RAD51B: variants seen among roughly 807,000 people sequenced by gnomAD.
RAD51B encodes DNA repair protein RAD51 homolog 2.
RAD51B carries 38 observed loss-of-function variants against 42.2 expected under a neutral mutation model. The ratio of observed to expected loss-of-function variants is 0.90; its 90% confidence interval spans 0.70 to 1.18. The LOEUF (loss-of-function observed/expected upper bound fraction) is 1.18. RAD51B is among the 50% of genes most tolerant of loss of function. RAD51B has a pLI of 0.00. For missense variants in RAD51B, 373 were observed against 400.7 expected (o/e 0.93, Z 0.59); for synonymous variants, 154 against 145.2 (o/e 1.06, Z -0.43).
chr14:68,607,035 G>A (rs765518650), intron 10 of RAD51B, among the ~76,000 whole-genome samples: 3 of 152,168 alleles, frequency 2.0e-5, no homozygotes, highest in Non-Finnish European at 4.4e-5. Flanking sequence ...AAATTATAAA[G>A]TGTCACATGT....
chr14:68,415,031 CAAAAA>C (rs71129885), intron 9 of RAD51B, among the ~76,000 whole-genome samples: 8 of 32,498 alleles, frequency 2.5e-4, no homozygotes, highest in South Asian at 2.5e-3. Context: ...GACTCTGTCT[CAAAAA>C]AAAAAAAAAA....
chr14:68,508,345 G>A lies in RAD51B; in HGVS notation c.1036+40095G>A, dbSNP rs144717207. On this transcript the variant is annotated intron_variant, in intron 10 of 10. Coordinates refer to the RAD51B transcript ENST00000487270. ...GTGAATTCTGAAACTGCTTTGAGGT[G>A]CTGCCTAAAGTTCAAGGAGAAGCTT... 2.0e-5 allele frequency among the ~76,000 whole-genome samples: 3 copies of A among 152,278 alleles called. No homozygotes were observed. The East Asian group carries it at 5.8e-4, about 29-fold the overall frequency.
At chr14:68,082,088 G>T (rs1019918780) in intron 7 of RAD51B, among the ~76,000 whole-genome samples, 1 of 151,988 alleles carries the variant, frequency 6.6e-6, no homozygotes. Context: ...AGCCTCCTGA[G>T]TAGCTGGGAC....
intron 7 of RAD51B, among the ~76,000 whole-genome samples, chr14:68,011,645 A>G (rs2075685163): frequency 6.6e-6 from 1 of 152,080 alleles, no homozygotes; most frequent in Non-Finnish European, 1.5e-5. Flanking sequence ...TGCTTTAACT[A>G]CAGTTAGGTA....
chr14:68,117,499 C>G (rs1160724074), intron 7 of RAD51B, among the ~76,000 whole-genome samples: 1 of 152,144 alleles, frequency 6.6e-6, no homozygotes, highest in African/African-American at 2.4e-5. Context: ...TTCTCTGCCA[C>G]TCTGTTTTTT....
intron 5 of RAD51B, among the ~76,000 whole-genome samples, chr14:67,878,003 G>T (rs181703587): frequency 1.7e-3 from 253 of 152,196 alleles, no homozygotes; most frequent in African/African-American, 5.9e-3. Context: ...TAATGGTATT[G>T]GTTTTCAGAT....
At chr14:67,999,326 T>G (rs1019283064) in intron 7 of RAD51B, among the ~76,000 whole-genome samples, 5 of 152,196 alleles carry the variant, frequency 3.3e-5, no homozygotes, top group African/African-American at 9.6e-5. Context: ...ATAAATGCTG[T>G]ACTAATTTCT....
chr14:67,985,306 G>A (rs937979784), intron 7 of RAD51B, among the ~76,000 whole-genome samples: 1 of 152,118 alleles, frequency 6.6e-6, no homozygotes, highest in African/African-American at 2.4e-5. Context: ...AAGCTATGTA[G>A]TTTAGTATGT....
chr14:68,450,257 T>C (rs2085524053), intron 9 of RAD51B, among the ~76,000 whole-genome samples: 1 of 128,494 alleles, frequency 7.8e-6, no homozygotes, highest in Non-Finnish European at 1.6e-5. Flanking sequence ...TCACTCTTGT[T>C]ACCCAGACTG....
At chr14:68,519,474 C>A (rs1365362135) in intron 10 of RAD51B, among the ~76,000 whole-genome samples, 1 of 152,192 alleles carries the variant, frequency 6.6e-6, no homozygotes, top group African/African-American at 2.4e-5. Context: ...GAAGGAACAG[C>A]TGGCTTCAGT....
chr14:68,100,251 T>C (rs185229822), intron 7 of RAD51B, among the ~76,000 whole-genome samples: 46 of 152,336 alleles, frequency 3.0e-4, no homozygotes, highest in African/African-American at 1.0e-3. Context: ...CTTTAAAAAC[T>C]ATTTTATAAG....
At chr14:68,460,743 A>C (rs2085823998) in intron 9 of RAD51B, among the ~76,000 whole-genome samples, 1 of 152,220 alleles carries the variant, frequency 6.6e-6, no homozygotes, top group Non-Finnish European at 1.5e-5. Context: ...AGGCCAGGAA[A>C]AACATGTGAT....
intron 3 of RAD51B, among the ~76,000 whole-genome samples, chr14:67,832,351 A>T (rs939492493): frequency 2.0e-5 from 3 of 152,232 alleles, no homozygotes; most frequent in Admixed American, 2.0e-4. Flanking sequence ...AATTGTATAT[A>T]GTATACATGC....
Position 68,188,382 on chromosome 14 carries a change from GT to G in RAD51B, c.757-103497del, listed in dbSNP as rs560443401. 3.2e-3 allele frequency among the ~76,000 whole-genome samples: 350 copies of G among 110,726 alleles called. 1 individual carries two copies. Among genetic ancestry groups the G allele is most frequent in the South Asian group, 8.9e-3 (33 of 3,706 alleles). 72.6% of individuals were successfully genotyped at this position (110,726 alleles called of 152,430 possible). On this transcript the variant is annotated intron_variant, in intron 7 of 10. Coordinates refer to ENST00000471583, the MANE Select transcript of RAD51B (RefSeq NM_133510.4). ...TCCTCCTTTCTCCCCTTCTCTCCTT[GT>G]TTTTCCCTCCTCCCCCTTCCCTTTC...
chr14:68,538,088 T>C (rs7140266), intron 10 of RAD51B, among the ~76,000 whole-genome samples: 74,596 of 152,012 alleles, frequency 0.49, 19,139 homozygotes, highest in East Asian at 0.69. Context: ...TCAAAGAGCC[T>C]AACTCTGGCT....
chr14:68,587,788 A>G (rs528859958), intron 10 of RAD51B, among the ~76,000 whole-genome samples: 1 of 152,346 alleles, frequency 6.6e-6, no homozygotes, highest in South Asian at 2.1e-4. Flanking sequence ...AAGATTTACA[A>G]TAATTGGGTA....
At chr14:67,861,644 G>A (rs1480268340) in intron 4 of RAD51B, among the ~76,000 whole-genome samples, 2 of 151,048 alleles carry the variant, frequency 1.3e-5, no homozygotes, top group African/African-American at 4.9e-5. Context: ...TGTCAAATTT[G>A]CTGACCCTTT....
At chr14:68,433,335 A>C (rs2085062846) in intron 9 of RAD51B, among the ~76,000 whole-genome samples, 1 of 152,162 alleles carries the variant, frequency 6.6e-6, no homozygotes, top group African/African-American at 2.4e-5. Context: ...AATATCCTGC[A>C]GAGTGTTTTC....
At chr14:68,535,383 A>ACCCCCCCCCCCCCCCCCC (rs1887554684) in intron 10 of RAD51B, among the ~76,000 whole-genome samples, 3 of 107,552 alleles carry the variant, frequency 2.8e-5, no homozygotes, top group Admixed American at 9.9e-5. Context: ...TTTATTTCCC[A>ACCCCCCCCCCCCCCCCCC]CCCCCACCCC....
Sources: gnomAD v4.1 joint callset for allele counts (sites outside exome capture counted in the v4.1 genomes callset) on GRCh38, gnomAD v4.1.1 for gene constraint, MANE v1.5 for transcripts, NCBI Gene and HGNC (gene_info 2026-07-23, HGNC 2026-07-21) for gene names.